Variants in ARL5A observed in about 807,000 individuals in gnomAD.
ARL5A encodes the protein ARF like GTPase 5A, also known as ADP-ribosylation factor-like protein 5A.
ARL5A carries 18 observed loss-of-function variants against 25.9 expected under a neutral mutation model. That is an observed-to-expected ratio of 0.69 (90% CI 0.48 to 1.03). ARL5A has a LOEUF of 1.03. Among genes scored for constraint, ARL5A ranks in the 50% least tolerant of loss-of-function variants. The pLI, the probability that ARL5A is intolerant of heterozygous loss-of-function variation, is 0.00. For missense variants in ARL5A, 170 were observed against 211.9 expected, an observed-to-expected ratio of 0.80 and a Z score of 1.23; for synonymous variants, 61 against 67.5, an observed-to-expected ratio of 0.90 and a Z score of 0.47.
In ARL5A at chr2:151,799,739, A is replaced by G. The variant is rs1173858686; in HGVS notation, c.*3537T>C. On this transcript the variant is annotated 3_prime_UTR_variant, in exon 6 of 6. Coordinates refer to ENST00000295087, the MANE Select transcript of ARL5A (RefSeq NM_012097.4). ...TAATGCTCTCTAATGAGCAAAGTCC[A>G]AATCACTACCTCAAGCCAGTGGTGA... 6.6e-6 allele frequency: 1 copy of G among 152,254 alleles called. No homozygotes were observed. Among genetic ancestry groups the G allele is most frequent in the South Asian group, 2.1e-4 (1 of 4,834 alleles). 9.4% of individuals were successfully genotyped at this position (152,254 alleles called of 1,614,324 possible). A position where few individuals can be genotyped will look rare whatever the true frequency, so the allele number is the denominator to read the frequency against.
Position 151,803,406 on chromosome 2 carries a change from G to T in ARL5A, c.492-82C>A, listed in dbSNP as rs950337502. ...AAACTATGAACAGCAAACTAAAAGA[G>T]AGCATTTTTCATTTAGCTAAATAAC... On this transcript the variant is annotated intron_variant, in intron 5 of 5. Coordinates refer to ENST00000295087, the MANE Select transcript of ARL5A (RefSeq NM_012097.4). 19 of 980,500 alleles carry T rather than the reference G, an allele frequency of 1.9e-5. No individual in the cohort carries two copies. In the African/African-American group the frequency reaches 3.1e-4, roughly 16 times the overall value. 60.7% of individuals were successfully genotyped at this position (980,500 alleles called of 1,614,324 possible).
At chr2:151,822,683 A>G (rs886398637) in intron 1 of ARL5A, among the ~76,000 whole-genome samples, 2 of 152,242 alleles carry the variant, frequency 1.3e-5, no homozygotes, top group African/African-American at 4.8e-5. Flanking sequence ...TCTTTGATGC[A>G]CAAGAATCAT....
In ARL5A at chr2:151,799,153, G is replaced by A. The variant is rs1163136844; in HGVS notation, c.*4123C>T. ...ATAATCTATCGCACATTCTTTGAGGGAGCATGATATACAAGTTTTATTTTT... is the reference window on the plus strand; with the variant it reads ...ATAATCTATCGCACATTCTTTGAGGAAGCATGATATACAAGTTTTATTTTT... On this transcript the variant is annotated 3_prime_UTR_variant, in exon 6 of 6. Transcript: ENST00000295087. The A allele has an allele frequency of 6.6e-6, 1 of 152,134 alleles. No individual in the cohort carries two copies. Among genetic ancestry groups the A allele is most frequent in the Non-Finnish European group, 1.5e-5 (1 of 68,026 alleles). The allele number at this position is 152,134 out of a possible 1,614,324, so 9.4% of individuals were successfully genotyped here.
chr2:151,807,955 G>A (rs1424013704), intron 4 of ARL5A, among the ~76,000 whole-genome samples: 3 of 152,126 alleles, frequency 2.0e-5, no homozygotes, highest in Non-Finnish European at 2.9e-5. Context: ...CAGGCCAAAA[G>A]TTCTTAGTCT....
chr2:151,818,347 C>T (rs556732314), intron 1 of ARL5A, among the ~76,000 whole-genome samples: 26 of 152,242 alleles, frequency 1.7e-4, no homozygotes, highest in Non-Finnish European at 3.2e-4. Flanking sequence ...ATCACAATCA[C>T]GGCTCACTGT....
chr2:151,807,061 A>G, intron 4 of ARL5A, 89 bp from the exon 5 acceptor site: 1 of 1,255,988 alleles, frequency 8.0e-7, no homozygotes, highest in Non-Finnish European at 1.1e-6. Flanking sequence ...AATCTTAGTA[A>G]ACAAGAATTT....
chr2:151,826,801 C>T (rs1314281018), intron 1 of ARL5A, among the ~76,000 whole-genome samples: 1 of 152,212 alleles, frequency 6.6e-6, no homozygotes, highest in East Asian at 1.9e-4. Context: ...TCTCCTGCTC[C>T]CAACACTAAC....
intron 1 of ARL5A, among the ~76,000 whole-genome samples, chr2:151,815,998 T>C (rs185976383): frequency 7.8e-4 from 119 of 152,324 alleles, no homozygotes; most frequent in Middle Eastern, 3.4e-3. Context: ...GGCCTCTGGA[T>C]AGTCATGCCC....
At chr2:151,822,457 T>C (rs1317655311) in intron 1 of ARL5A, among the ~76,000 whole-genome samples, 1 of 152,238 alleles carries the variant, frequency 6.6e-6, no homozygotes, top group Non-Finnish European at 1.5e-5. Context: ...TCACAAAGTT[T>C]TTAATAGTAG....
At position 151,812,356 on chromosome 2, in the gene ARL5A, C is replaced by A. The variant is rs747821563; in HGVS notation, c.339+1G>T. 4 of 1,590,302 alleles carry A rather than the reference C, an allele frequency of 2.5e-6. No individual in the cohort carries two copies. Among genetic ancestry groups the A allele is most frequent in the Non-Finnish European group, 3.4e-6 (4 of 1,166,440 alleles). Reference sequence around the variant, plus strand: ...CTAATGTAAAAAGACTACTTACTTACCTCATGCGCTAACATTTTATAGAGT... The same window carrying A: ...CTAATGTAAAAAGACTACTTACTTAACTCATGCGCTAACATTTTATAGAGT... On this transcript the variant is annotated splice_donor_variant, in intron 4 of 5. Transcript: ENST00000295087. LOFTEE classifies it high-confidence loss of function.
chr2:151,824,503 TAAC>T (rs1553734736), intron 1 of ARL5A, among the ~76,000 whole-genome samples: 19 of 151,960 alleles, frequency 1.3e-4, no homozygotes, highest in Admixed American at 4.6e-4. Context: ...ATAATAATAA[TAAC>T]AACAATAATA....
intron 1 of ARL5A, among the ~76,000 whole-genome samples, chr2:151,822,022 G>C (rs1412778421): frequency 6.6e-6 from 1 of 151,866 alleles, no homozygotes; most frequent in Admixed American, 6.6e-5. Flanking sequence ...GCTAATTTTT[G>C]TATTTTTAGT....
chr2:151,823,889 C>T (rs1011771892), intron 1 of ARL5A, among the ~76,000 whole-genome samples: 4 of 152,180 alleles, frequency 2.6e-5, no homozygotes, highest in African/African-American at 7.2e-5. Context: ...GCCTTGGAGA[C>T]GGTGTTCATG....
intron 4 of ARL5A, chr2:151,810,444 A>G (rs1488169258): frequency 1.2e-5 from 4 of 344,592 alleles, no homozygotes; most frequent in Non-Finnish European, 2.3e-5. Context: ...TCTTGACCCT[A>G]CTGAGTACCT....
intron 4 of ARL5A, among the ~76,000 whole-genome samples, chr2:151,811,921 T>C (rs1280213023): frequency 6.6e-6 from 1 of 152,202 alleles, no homozygotes; most frequent in Non-Finnish European, 1.5e-5. Flanking sequence ...TAGTTTTGTT[T>C]AGTCAAAGGG....
Position 151,828,331 on chromosome 2 carries a change from C to T in ARL5A, c.-155G>A, listed in dbSNP as rs573913396. 5.3e-5 allele frequency: 33 copies of T among 621,674 alleles called. No individual in the cohort carries two copies. The Admixed American group carries it at 6.7e-4, about 13-fold the overall frequency. 38.5% of individuals were successfully genotyped at this position (621,674 alleles called of 1,614,324 possible). A position where few individuals can be genotyped will look rare whatever the true frequency, so the allele number is the denominator to read the frequency against. ...CGCTTCCAGGGAACCGGAGGGAGGC[C>T]GAAGCCCAGGCCGCCCTGCCGCGCG... is the stretch of plus-strand genomic sequence containing the variant. On this transcript the variant is annotated 5_prime_UTR_variant, in exon 1 of 6. Coordinates refer to ENST00000295087, the MANE Select transcript of ARL5A (RefSeq NM_012097.4).
intron 3 of ARL5A, among the ~76,000 whole-genome samples, chr2:151,813,097 C>G (rs150455551): frequency 6.6e-6 from 1 of 152,190 alleles, no homozygotes; most frequent in Non-Finnish European, 1.5e-5. Flanking sequence ...AGCAAGAGAT[C>G]AGCAGGAACA....
At chr2:151,807,100 G>A (rs1301143577) in intron 4 of ARL5A, 128 bp from the exon 5 acceptor site, 1 of 791,370 alleles carries the variant, frequency 1.3e-6, no homozygotes, top group Non-Finnish European at 2.0e-6. Context: ...AAGCATCTCA[G>A]TGCCTAGGCT....
intron 1 of ARL5A, among the ~76,000 whole-genome samples, chr2:151,817,340 C>A (rs2099831651): frequency 6.6e-6 from 1 of 152,230 alleles, no homozygotes; most frequent in Non-Finnish European, 1.5e-5. Flanking sequence ...ACATATTAAT[C>A]ATCTTTACAT....
Sources: gnomAD v4.1 joint callset for allele counts (sites outside exome capture counted in the v4.1 genomes callset) on GRCh38, gnomAD v4.1.1 for gene constraint, MANE v1.5 for transcripts, NCBI Gene and HGNC (gene_info 2026-07-23, HGNC 2026-07-21) for gene names.